The following NT5C2 variants were observed in gnomAD, a reference collection of about 807,000 sequenced individuals.
The protein encoded by NT5C2 is 5'-nucleotidase, cytosolic II, also known as cytosolic purine 5'-nucleotidase.
A neutral mutation model predicts 76.1 loss-of-function variants in NT5C2; 58 were observed. That is an observed-to-expected ratio of 0.76 (90% confidence interval 0.62 to 0.95). NT5C2 has a LOEUF of 0.95. Among genes scored for constraint, NT5C2 ranks in the 40% least tolerant of loss-of-function variants. The pLI is 0.00. For synonymous variants in NT5C2, 229 were observed against 237.4 expected (o/e 0.96, Z 0.32); for missense variants, 478 against 690.3 (o/e 0.69, Z 3.45).
At chr10:103,098,755 A>C in intron 10 of NT5C2, 176 bp downstream of exon 10, 1 of 548,474 alleles carries the variant, frequency 1.8e-6, no homozygotes, top group Non-Finnish European at 3.2e-6. Context: ...AGAAACAGGA[A>C]AAACTCTACT....
chr10:103,172,475 C>A (rs2134658920), intron 3 of NT5C2, among the ~76,000 whole-genome samples: 2 of 151,882 alleles, frequency 1.3e-5, no homozygotes, highest in Middle Eastern at 6.8e-3. Context: ...TCTCGATCTC[C>A]TGACCTTGTG....
chr10:103,095,102 C>T (rs556907783), intron 12 of NT5C2, among the ~76,000 whole-genome samples: 1 of 152,084 alleles, frequency 6.6e-6, no homozygotes, highest in Non-Finnish European at 1.5e-5. Context: ...AAATCAATAC[C>T]CAAGGGACAG....
intron 3 of NT5C2, among the ~76,000 whole-genome samples, chr10:103,165,950 G>A (rs1473313271): frequency 2.0e-5 from 3 of 152,208 alleles, no homozygotes; most frequent in East Asian, 1.9e-4. Context: ...GATTACAGGC[G>A]TGAGCCACCG....
At chr10:103,151,602 T>A (rs1216593860) in intron 3 of NT5C2, among the ~76,000 whole-genome samples, 2 of 152,176 alleles carry the variant, frequency 1.3e-5, no homozygotes, top group Non-Finnish European at 1.5e-5. Context: ...AACACTAATA[T>A]CACACTGTCT....
At chr10:103,118,989 T>C (rs531573221) in intron 4 of NT5C2, among the ~76,000 whole-genome samples, 2 of 152,322 alleles carry the variant, frequency 1.3e-5, no homozygotes, top group East Asian at 3.9e-4. Context: ...TTTTAAGATG[T>C]AGTAAGTCAA....
chr10:103,130,243 C>T (rs1337314703), intron 4 of NT5C2, among the ~76,000 whole-genome samples: 1 of 151,642 alleles, frequency 6.6e-6, no homozygotes, highest in African/African-American at 2.4e-5. Context: ...TCCTGTTGAT[C>T]TGTGACCTTA....
intron 3 of NT5C2, among the ~76,000 whole-genome samples, chr10:103,150,357 A>G (rs2082191899): frequency 6.6e-6 from 1 of 152,178 alleles, no homozygotes; most frequent in Non-Finnish European, 1.5e-5. Context: ...GTTGCTGCAT[A>G]TATGATTAGT....
chr10:103,094,606 A>G lies in NT5C2; in HGVS notation c.814-151T>C, dbSNP rs576313160. ...TTTTTAAAAAGGTATTGTGTCAGCC[A>G]GGCACAGTGGCTCACACCTGTAATC... On this transcript the variant is annotated intron_variant, in intron 12 of 18. Coordinates refer to ENST00000404739, the MANE Select transcript of NT5C2 (RefSeq NM_001351169.2). 18 of 608,574 alleles carry G rather than the reference A, an allele frequency of 3.0e-5. No individual in the cohort carries two copies. The East Asian group carries it at 4.2e-4, about 14-fold the overall frequency. 37.7% of individuals were successfully genotyped at this position (608,574 alleles called of 1,614,324 possible). A position where few individuals can be genotyped will look rare whatever the true frequency, so the allele number is the denominator to read the frequency against.
rs148337775 is a variant in NT5C2, at chr10:103,104,532, G to A, written c.389+1174C>T. 5.0e-4 allele frequency among the ~76,000 whole-genome samples: 76 copies of A among 152,288 alleles called. 1 individual carries two copies. The South Asian group carries it at 6.6e-3, about 13-fold the overall frequency. On this transcript the variant is annotated intron_variant, in intron 6 of 18. Coordinates refer to ENST00000404739, the MANE Select transcript of NT5C2 (RefSeq NM_001351169.2). ...CTTCATATTCTAAATCCTGTTTCCT[G>A]ATATTTTCATGGATCCTGAACAAAC...
At chr10:103,152,358 A>G (rs2082550067) in intron 3 of NT5C2, among the ~76,000 whole-genome samples, 2 of 152,170 alleles carry the variant, frequency 1.3e-5, no homozygotes, top group South Asian at 4.1e-4. Context: ...ATAATACAGA[A>G]TTACTTATAC....
rs2075114505 is a variant in NT5C2 at position 103,119,225 on chromosome 10, C to T, written c.176-12519G>A. On this transcript the variant is annotated intron_variant, in intron 4 of 18. Transcript: ENST00000404739. The stretch of plus-strand genomic sequence containing the variant: ...TCTCTACTAAAAATACAAAATTAGC[C>T]AGGCATGGTGGCACATGCCTGAAAT... Among the ~76,000 whole-genome samples the T allele has an allele frequency of 2.6e-5, 4 of 152,042 alleles. No individual in the cohort carries two copies. In the South Asian group the frequency reaches 8.3e-4, roughly 32 times the overall value.
In NT5C2 at chr10:103,095,836, T is replaced by C. The variant is rs79927334; in HGVS notation, c.813+103A>G. On this transcript the variant is annotated intron_variant, in intron 12 of 18. Coordinates refer to ENST00000404739, the MANE Select transcript of NT5C2 (RefSeq NM_001351169.2). The stretch of plus-strand genomic sequence containing the variant: ...GACAATAGGCTTAAAAAGTAGGACT[T>C]TTCTGGGTGGGTTCTGACCAATTCT... The C allele has an allele frequency of 5.6e-3, 5,658 of 1,006,798 alleles. 191 individuals carry two copies. In the East Asian group the frequency reaches 0.08, roughly 14 times the overall value. 62.4% of individuals were successfully genotyped at this position (1,006,798 alleles called of 1,614,324 possible). A position where few individuals can be genotyped will look rare whatever the true frequency, so the allele number is the denominator to read the frequency against.
At chr10:103,110,203 C>T (rs2072593692) in intron 4 of NT5C2, among the ~76,000 whole-genome samples, 1 of 152,126 alleles carries the variant, frequency 6.6e-6, no homozygotes, top group Admixed American at 6.5e-5. Flanking sequence ...CACCTGTAAT[C>T]CCAGCACTTT....
intron 3 of NT5C2, among the ~76,000 whole-genome samples, chr10:103,145,479 AC>A (rs1329020149): frequency 6.6e-6 from 1 of 152,232 alleles, no homozygotes; most frequent in African/African-American, 2.4e-5. Context: ...TGGTCTCCGG[AC>A]CTTGACTGTA....
Position 103,088,413 on chromosome 10 carries a change from T to C in NT5C2, c.*1259A>G, listed in dbSNP as rs1405458553. The C allele has an allele frequency of 6.6e-6, 1 of 152,226 alleles. No homozygotes were observed. Among genetic ancestry groups the C allele is most frequent in the Admixed American group, 6.5e-5 (1 of 15,274 alleles). The allele number at this position is 152,226 out of a possible 1,614,324, so 9.4% of individuals were successfully genotyped here. ...GATTTTTATTTTTTGAGATGGAGTT[T>C]TGTTCTTGTTGCCCAGGCTGGAGTG... On this transcript the variant is annotated 3_prime_UTR_variant, in exon 19 of 19. Coordinates refer to ENST00000404739, the MANE Select transcript of NT5C2 (RefSeq NM_001351169.2).
chr10:103,186,664 C>T (rs902328943), intron 1 of NT5C2, among the ~76,000 whole-genome samples: 6 of 152,146 alleles, frequency 3.9e-5, no homozygotes, highest in African/African-American at 1.4e-4. Context: ...CCTGTAATCC[C>T]AGCACTTTGG....
At chr10:103,103,552 T>C (rs566388875) in intron 6 of NT5C2, among the ~76,000 whole-genome samples, 7 of 152,290 alleles carry the variant, frequency 4.6e-5, no homozygotes, top group Admixed American at 1.3e-4. Flanking sequence ...AGCAATTACA[T>C]TGTAAACTTC....
chr10:103,185,338 C>G (rs569606671), intron 1 of NT5C2, among the ~76,000 whole-genome samples: 57 of 142,760 alleles, frequency 4.0e-4, no homozygotes, highest in African/African-American at 1.2e-3. Flanking sequence ...CTCCTGAATA[C>G]TCCTTTAAAA....
intron 3 of NT5C2, among the ~76,000 whole-genome samples, chr10:103,172,103 G>A (rs1007537820): frequency 2.6e-5 from 4 of 151,832 alleles, no homozygotes; most frequent in South Asian, 4.2e-4. Context: ...CCAGCTACTC[G>A]GGACGGTGAG....
Sources: gnomAD v4.1 joint callset for allele counts (sites outside exome capture counted in the v4.1 genomes callset) on GRCh38, gnomAD v4.1.1 for gene constraint, MANE v1.5 for transcripts, NCBI Gene and HGNC (gene_info 2026-07-23, HGNC 2026-07-21) for gene names.